The following GLI3 variants were observed in gnomAD, a reference collection of about 807,000 sequenced individuals.
GLI3 encodes the protein GLI family zinc finger 3.
A neutral mutation model predicts 100.8 loss-of-function variants in GLI3; 20 were observed. The observed-to-expected ratio is 0.20, with a 90% confidence interval of 0.14 to 0.29. The LOEUF is 0.29. Among genes scored for constraint, GLI3 ranks in the 10% least tolerant of loss-of-function variants. The probability of loss-of-function intolerance (pLI) is 1.00; values close to 1 mark genes in which losing one functional copy is unlikely to be tolerated. For missense variants in GLI3, 2,040 were observed against 2,128.5 expected, an observed-to-expected ratio of 0.96 and a Z score of 0.82; for synonymous variants, 938 against 860.5, an observed-to-expected ratio of 1.09 and a Z score of -1.58.
upstream of GLI3, among the ~76,000 whole-genome samples, chr7:42,242,249 G>T (rs1299528628): frequency 6.6e-6 from 1 of 152,168 alleles, no homozygotes; most frequent in Admixed American, 6.5e-5. Flanking sequence ...AGTAAATTTT[G>T]CATGCCTTCA....
intron 3 of GLI3, among the ~76,000 whole-genome samples, chr7:42,101,339 G>A (rs967020105): frequency 4.6e-5 from 7 of 152,220 alleles, no homozygotes; most frequent in Admixed American, 1.3e-4. Context: ...GGTGGCTCCC[G>A]CCTGTAATCC....
chr7:42,044,869 A>G (rs1434934401), intron 6 of GLI3, among the ~76,000 whole-genome samples: 1 of 152,144 alleles, frequency 6.6e-6, no homozygotes, highest in Non-Finnish European at 1.5e-5. Context: ...TTTGTTATCA[A>G]GACAATCACG....
At chr7:42,092,392 T>C (rs1377472630) in intron 3 of GLI3, among the ~76,000 whole-genome samples, 1 of 152,036 alleles carries the variant, frequency 6.6e-6, no homozygotes, top group Non-Finnish European at 1.5e-5. Flanking sequence ...GACACAGGGA[T>C]GGAAAGTTCA....
intron 2 of GLI3, among the ~76,000 whole-genome samples, chr7:42,195,394 G>T (rs1787909554): frequency 6.6e-6 from 1 of 152,144 alleles, no homozygotes; most frequent in Admixed American, 6.5e-5. Flanking sequence ...TCAATTGCTT[G>T]ATATACAAGG....
At chr7:42,203,230 T>C (rs1788082534) in intron 2 of GLI3, among the ~76,000 whole-genome samples, 1 of 152,224 alleles carries the variant, frequency 6.6e-6, no homozygotes, top group African/African-American at 2.4e-5. Flanking sequence ...ATAATTATCA[T>C]CCTTGTGGTG....
chr7:42,112,383 T>G (rs1785733486), intron 3 of GLI3, among the ~76,000 whole-genome samples: 1 of 152,130 alleles, frequency 6.6e-6, no homozygotes, highest in Admixed American at 6.5e-5. Flanking sequence ...CACAGCTAGA[T>G]AGAATGAATA....
intron 1 of GLI3, among the ~76,000 whole-genome samples, chr7:42,253,874 T>G (rs1244341479): frequency 6.6e-6 from 1 of 152,154 alleles, no homozygotes; most frequent in African/African-American, 2.4e-5. Flanking sequence ...CTCCAAGTCT[T>G]TTTTTGGGAT....
intron 2 of GLI3, among the ~76,000 whole-genome samples, chr7:42,210,678 T>TA (rs1788255200): frequency 4.6e-5 from 7 of 152,024 alleles, no homozygotes; most frequent in Admixed American, 6.6e-5. Context: ...AAAAATCATA[T>TA]CTTTTTTTTT....
intron 3 of GLI3, among the ~76,000 whole-genome samples, chr7:42,083,073 T>C (rs1785030372): frequency 6.6e-6 from 1 of 152,208 alleles, no homozygotes; most frequent in African/African-American, 2.4e-5. Flanking sequence ...TTCATTATTT[T>C]AAAATGTACA....
chr7:42,193,568 C>A (rs535466379), intron 2 of GLI3, among the ~76,000 whole-genome samples: 31 of 152,268 alleles, frequency 2.0e-4, no homozygotes, highest in Non-Finnish European at 4.3e-4. Context: ...GGGACGTTTT[C>A]TCCCATGCCC....
At chr7:42,192,039 G>GAA (rs542281019) in intron 2 of GLI3, among the ~76,000 whole-genome samples, 11 of 149,326 alleles carry the variant, frequency 7.4e-5, no homozygotes, top group Non-Finnish European at 1.3e-4. Context: ...TACAATCACA[G>GAA]AAAAAAAAAA....
intron 3 of GLI3, among the ~76,000 whole-genome samples, chr7:42,099,093 G>A (rs1461732776): frequency 6.6e-6 from 1 of 152,152 alleles, no homozygotes; most frequent in Non-Finnish European, 1.5e-5. Context: ...CCAAGGCTGA[G>A]TGAGTTCTGC....
At chr7:41,991,352 C>T (rs566449389) in intron 10 of GLI3, among the ~76,000 whole-genome samples, 9 of 152,298 alleles carry the variant, frequency 5.9e-5, no homozygotes, top group African/African-American at 1.9e-4. Context: ...CAAGCCCCTC[C>T]GCTTCGGCAT....
At chr7:42,229,944 GTGGT>G (rs1310975145) in intron 1 of GLI3, among the ~76,000 whole-genome samples, 1 of 152,082 alleles carries the variant, frequency 6.6e-6, no homozygotes, top group Non-Finnish European at 1.5e-5. Context: ...GGTTTTTAAT[GTGGT>G]TGATGTTTCC....
intron 1 of GLI3, among the ~76,000 whole-genome samples, chr7:42,262,507 GC>G (rs1433847443): frequency 6.6e-6 from 1 of 152,048 alleles, no homozygotes; most frequent in Non-Finnish European, 1.5e-5. Context: ...CCATCCTCCT[GC>G]CCCGGCCTCC....
intron 3 of GLI3, among the ~76,000 whole-genome samples, chr7:42,144,174 C>A (rs1197388443): frequency 6.6e-6 from 1 of 152,180 alleles, no homozygotes; most frequent in Non-Finnish European, 1.5e-5. Context: ...TCAATGAAAG[C>A]AGGGAGAGAT....
intron 10 of GLI3, among the ~76,000 whole-genome samples, chr7:41,993,236 A>C (rs914779709): frequency 1.2e-4 from 18 of 152,194 alleles, no homozygotes; most frequent in Non-Finnish European, 2.4e-4. Context: ...GACAGAGCAG[A>C]GCCAGGGTTT....
chr7:42,196,734 C>T (rs1198676924), intron 2 of GLI3, among the ~76,000 whole-genome samples: 1 of 152,082 alleles, frequency 6.6e-6, no homozygotes, highest in Admixed American at 6.5e-5. Context: ...TCTTCAAAGC[C>T]GTTTCATGTC....
chr7:42,217,705 T>A (rs1412992121), intron 2 of GLI3, among the ~76,000 whole-genome samples: 2 of 152,222 alleles, frequency 1.3e-5, no homozygotes, highest in African/African-American at 4.8e-5. Flanking sequence ...GCAAACTTAG[T>A]CACATTTGGG....
Sources: gnomAD v4.1 joint callset for allele counts (sites outside exome capture counted in the v4.1 genomes callset) on GRCh38, gnomAD v4.1.1 for gene constraint, MANE v1.5 for transcripts, NCBI Gene and HGNC (gene_info 2026-07-23, HGNC 2026-07-21) for gene names.